Variants in ETNK1 observed in about 807,000 individuals in gnomAD.
ETNK1 encodes the protein ethanolamine kinase 1, also known as putative protein product of Nbla10396.
Under a neutral mutation model 45.1 loss-of-function variants are expected in ETNK1, and 8 were observed. The observed-to-expected ratio is 0.18, with a 90% CI of 0.10 to 0.32. ETNK1 has a LOEUF of 0.32. ETNK1 is among the 10% of genes least tolerant of loss of function. ETNK1 has a pLI of 1.00. For synonymous variants in ETNK1, 152 were observed against 151.9 expected (o/e 1.00, Z -0.01); for missense variants, 302 against 430.6 (o/e 0.70, Z 2.64).
chr12:22,633,642 A>C (rs1182446334), intron 1 of ETNK1, among the ~76,000 whole-genome samples: 1 of 152,232 alleles, frequency 6.6e-6, no homozygotes, highest in Non-Finnish European at 1.5e-5. Context: ...TTTGGGGAGA[A>C]GTGAATTCTT....
intron 3 of ETNK1, among the ~76,000 whole-genome samples, chr12:22,659,796 A>G (rs1953980907): frequency 6.6e-6 from 1 of 152,180 alleles, no homozygotes; most frequent in African/African-American, 2.4e-5. Context: ...TTTTTTCCCT[A>G]GGCTCTCCAA....
intron 1 of ETNK1, among the ~76,000 whole-genome samples, chr12:22,634,835 A>T (rs1411146910): frequency 6.6e-6 from 1 of 152,214 alleles, no homozygotes; most frequent in African/African-American, 2.4e-5. Context: ...GATTACAGGC[A>T]TAAGCCATCA....
chr12:22,641,876 A>G (rs1953743005), intron 1 of ETNK1, among the ~76,000 whole-genome samples: 1 of 152,114 alleles, frequency 6.6e-6, no homozygotes, highest in Non-Finnish European at 1.5e-5. Context: ...TGGAGTTGTG[A>G]CACTGTGTCT....
At chr12:22,657,450 A>T (rs747059659) in intron 2 of ETNK1, among the ~76,000 whole-genome samples, 1 of 152,032 alleles carries the variant, frequency 6.6e-6, no homozygotes, top group Non-Finnish European at 1.5e-5. Context: ...CATGGGGTAA[A>T]TCCAGGGACT....
intron 2 of ETNK1, 70 bp downstream of exon 2, chr12:22,644,092 T>A (rs1953775033): frequency 4.0e-6 from 6 of 1,499,612 alleles, no homozygotes; most frequent in Non-Finnish European, 1.8e-6. Flanking sequence ...AAATATTTTT[T>A]AAAATTGTCT....
At chr12:22,645,686 A>T (rs759094323) in intron 2 of ETNK1, among the ~76,000 whole-genome samples, 3 of 151,808 alleles carry the variant, frequency 2.0e-5, no homozygotes, top group Admixed American at 1.3e-4. Flanking sequence ...TGGTGTATCT[A>T]TCATCTCAGA....
intron 1 of ETNK1, among the ~76,000 whole-genome samples, chr12:22,640,605 A>G (rs1953723840): frequency 6.6e-6 from 1 of 152,152 alleles, no homozygotes; most frequent in Non-Finnish European, 1.5e-5. Flanking sequence ...ATCATTGGCT[A>G]CATTTACGAG....
chr12:22,652,352 G>T (rs575471265), intron 2 of ETNK1, among the ~76,000 whole-genome samples: 2 of 152,124 alleles, frequency 1.3e-5, no homozygotes, highest in South Asian at 2.1e-4. Flanking sequence ...CCTGCTTTCA[G>T]TTCTTTCGGG....
At chr12:22,640,128 A>G (rs1218838957) in intron 1 of ETNK1, among the ~76,000 whole-genome samples, 1 of 152,222 alleles carries the variant, frequency 6.6e-6, no homozygotes, top group African/African-American at 2.4e-5. Context: ...TTTTTAACCA[A>G]TATAGATGTT....
chr12:22,654,932 T>A (rs1339792190), intron 2 of ETNK1, among the ~76,000 whole-genome samples: 3 of 152,252 alleles, frequency 2.0e-5, no homozygotes, highest in African/African-American at 7.2e-5. Context: ...TGTCACTCCA[T>A]GACTTGTGTG....
intron 2 of ETNK1, among the ~76,000 whole-genome samples, chr12:22,651,095 T>G (rs1953868738): frequency 6.6e-6 from 1 of 151,956 alleles, no homozygotes; most frequent in Non-Finnish European, 1.5e-5. Context: ...CCAGAGAAAA[T>G]GGGTTGCCAG....
intron 2 of ETNK1, among the ~76,000 whole-genome samples, chr12:22,653,689 G>A (rs1009908314): frequency 2.6e-5 from 4 of 151,946 alleles, no homozygotes; most frequent in Non-Finnish European, 5.9e-5. Context: ...TGATTTTTGC[G>A]TATTGATTTT....
At chr12:22,647,977 A>G (rs1953828117) in intron 2 of ETNK1, among the ~76,000 whole-genome samples, 1 of 151,994 alleles carries the variant, frequency 6.6e-6, no homozygotes, top group African/African-American at 2.4e-5. Context: ...ATGATTTTTA[A>G]TTACCTTCTT....
rs1187185900 is a variant in ETNK1 at position 22,673,589 on chromosome 12, A to G, written c.874A>G (p.Lys292Glu). 6.2e-7 allele frequency: 1 copy of G among 1,613,978 alleles called. No homozygotes were observed. The highest frequency in any genetic ancestry group is 8.5e-7 in the Non-Finnish European group (1 of 1,179,894). ...RAYLEAYKEF[K>E]GFGTEVTEKE... is the part of the protein sequence containing the mutation. The stretch of plus-strand genomic sequence containing the variant: ...TTACCTTGAAGCCTACAAAGAATTT[A>G]AGGGCTTTGGGACTGAAGTTACTGA... Residue 292 changes from lysine (K) to glutamate (E), a missense_variant, in exon 6 of 8, where the codon AAG becomes GAG. This residue lies in a region of ETNK1 where 94 missense variants were observed against 152.9 expected (regional missense o/e 0.61). Coordinates refer to ENST00000266517, the MANE Select transcript of ETNK1 (RefSeq NM_018638.5).
rs552885672 is a variant in ETNK1, at chr12:22,663,231, C to T, written c.700+2026C>T. Among the ~76,000 whole-genome samples, 112 of 152,188 alleles carry T rather than the reference C, an allele frequency of 7.4e-4. 1 individual carries two copies. Among genetic ancestry groups the T allele is most frequent in the African/African-American group, 2.2e-3 (93 of 41,546 alleles). ...ATTTGTGAGACTAGAGCATTAGTTA[C>T]GCATTAAAGCAGTGTATGAGCTTGT... On this transcript the variant is annotated intron_variant, in intron 4 of 7. Transcript: ENST00000266517.
intron 4 of ETNK1, among the ~76,000 whole-genome samples, chr12:22,662,447 T>C (rs1246407209): frequency 2.0e-5 from 3 of 148,116 alleles, no homozygotes; most frequent in Non-Finnish European, 3.0e-5. Flanking sequence ...AGGCCTGGAA[T>C]GCAGTGGTGT....
chr12:22,679,953 G>A (rs57428360), intron 6 of ETNK1, among the ~76,000 whole-genome samples: 7,103 of 152,130 alleles, frequency 0.047, 544 homozygotes, highest in African/African-American at 0.16. Context: ...CGGCCTCCCC[G>A]AGTGTTGGGA....
At chr12:22,662,811 T>C (rs1954019370) in intron 4 of ETNK1, among the ~76,000 whole-genome samples, 1 of 151,858 alleles carries the variant, frequency 6.6e-6, no homozygotes, top group Admixed American at 6.5e-5. Context: ...TGGTCATAAT[T>C]ATATTAAATT....
intron 5 of ETNK1, 122 bp from the exon 6 acceptor site, chr12:22,673,378 G>A (rs528841127): frequency 6.5e-6 from 4 of 618,278 alleles, no homozygotes; most frequent in Admixed American, 3.2e-5. Context: ...TTAACATGCA[G>A]TATTCCAGCC....
Sources: allele counts gnomAD v4.1 joint callset (sites outside exome capture counted in the v4.1 genomes callset), GRCh38; gene constraint gnomAD v4.1.1; regional missense constraint gnomAD v4.1.1; transcripts MANE v1.5; gene names NCBI Gene and HGNC (gene_info 2026-07-23, HGNC 2026-07-21).